TCF24: variants seen among roughly 807,000 people sequenced by gnomAD.
TCF24 encodes transcription factor 24.
In TCF24, 5 loss-of-function variants were observed where a neutral mutation model predicts 9.3. The observed-to-expected ratio is 0.54, with a 90% CI of 0.28 to 1.13. TCF24 has a LOEUF of 1.13. Ranked by LOEUF, TCF24 falls within the 50% of genes most tolerant of loss-of-function variation. The pLI is 0.09. For missense variants in TCF24, 220 were observed against 236.1 expected (o/e 0.93, Z 0.45); for synonymous variants, 110 against 115.8 (o/e 0.95, Z 0.32).
rs1249416151 is a variant in TCF24, at chr8:66,961,365, C to T, written c.390+11G>A. ...TCGGCCCCAGCCCCGCGGTGCGCCC[C>T]GCCCGCTTACCTTGACCGGGTGCAG... On this transcript the variant is annotated intron_variant, in intron 3 of 3. Coordinates refer to ENST00000563496, the MANE Select transcript of TCF24 (RefSeq NM_001193502.2). 4 of 1,460,654 alleles carry T rather than the reference C, an allele frequency of 2.7e-6. No homozygotes were observed. Among genetic ancestry groups the T allele is most frequent in the Admixed American group, 2.4e-5 (1 of 41,556 alleles). The allele number at this position is 1,460,654 out of a possible 1,614,324, so 90.5% of individuals were successfully genotyped here.
rs1203473062 is a variant in TCF24 at position 66,947,992 on chromosome 8, A to G, written c.*59T>C. The G allele has an allele frequency of 5.0e-6, 6 of 1,204,994 alleles. No homozygotes were observed. The highest frequency in any genetic ancestry group is 6.8e-6 in the Non-Finnish European group (6 of 885,290). The allele number at this position is 1,204,994 out of a possible 1,614,324, so 74.6% of individuals were successfully genotyped here. Reference sequence around the variant, plus strand: ...TGTCTCATATAATAAATATAGAATTATGTCATAGTATTTAAAAACAATAGC... The same window carrying G: ...TGTCTCATATAATAAATATAGAATTGTGTCATAGTATTTAAAAACAATAGC... On this transcript the variant is annotated 3_prime_UTR_variant, in exon 4 of 4. Transcript: ENST00000563496.
chr8:66,948,088 G>GT lies in TCF24; in HGVS notation c.466dup (p.Thr156AsnfsTer4), dbSNP rs1563404351. The GT allele has an allele frequency of 2.6e-6, 4 of 1,534,984 alleles. No individual in the cohort carries two copies. The highest frequency in any genetic ancestry group is 3.5e-6 in the Non-Finnish European group (4 of 1,146,572). The stretch of plus-strand genomic sequence containing the variant: ...GTCTGTTGGAGTGTTGTCATGATTT[G>GT]TTTTTTCTCCAGAAACAGAATGCTT... On this transcript the variant is annotated frameshift_variant, in exon 4 of 4. Coordinates refer to ENST00000563496, the MANE Select transcript of TCF24 (RefSeq NM_001193502.2). LOFTEE classifies it high-confidence loss of function.
chr8:66,957,065 A>G (rs1434866501), intron 3 of TCF24, among the ~76,000 whole-genome samples: 1 of 140,654 alleles, frequency 7.1e-6, no homozygotes, highest in Non-Finnish European at 1.5e-5. Context: ...GTAAGTCCAG[A>G]TCGCACCACT....
rs569833321 is a variant in TCF24 at position 66,960,744 on chromosome 8, T to C, written c.390+632A>G. On this transcript the variant is annotated intron_variant, in intron 3 of 3. Transcript: ENST00000563496. ...TAGTAATCAATTCACTCAACATACATGCCAATCTATTACGAACGTATTTAA... is the reference window on the plus strand; with the variant it reads ...TAGTAATCAATTCACTCAACATACACGCCAATCTATTACGAACGTATTTAA... 9.2e-5 allele frequency among the ~76,000 whole-genome samples: 14 copies of C among 152,350 alleles called. No individual in the cohort carries two copies. The South Asian group carries it at 2.7e-3, about 29-fold the overall frequency.
chr8:66,953,743 T>A (rs1219692420), intron 3 of TCF24, among the ~76,000 whole-genome samples: 24 of 149,186 alleles, frequency 1.6e-4, no homozygotes, highest in Non-Finnish European at 2.0e-4. Flanking sequence ...CAATCAGACA[T>A]AGATTTGGTC....
Position 66,947,362 on chromosome 8 carries a change from T to C in TCF24, c.*689A>G, listed in dbSNP as rs936339595. 7 of 152,286 alleles carry C rather than the reference T, an allele frequency of 4.6e-5. No homozygotes were observed. The highest frequency in any genetic ancestry group is 1.9e-4 in the East Asian group (1 of 5,184). 9.4% of individuals were successfully genotyped at this position (152,286 alleles called of 1,614,324 possible). On this transcript the variant is annotated 3_prime_UTR_variant, in exon 4 of 4. Transcript: ENST00000563496. ...CCAGGTGTGGTGACATGCACCTACA[T>C]TGTGAACTCTGCTGTCCGCTGACAC...
At chr8:66,958,244 T>G (rs1159638984) in intron 3 of TCF24, among the ~76,000 whole-genome samples, 1 of 152,232 alleles carries the variant, frequency 6.6e-6, no homozygotes, top group African/African-American at 2.4e-5. Context: ...TTACATTTTC[T>G]TTTCAACAGT....
intron 3 of TCF24, among the ~76,000 whole-genome samples, chr8:66,955,355 TG>T (rs1814136511): frequency 6.6e-6 from 1 of 152,012 alleles, no homozygotes; most frequent in South Asian, 2.1e-4. Flanking sequence ...ATACTACTTT[TG>T]TTTTTTTTTA....
chr8:66,948,137 T>A lies in TCF24; in HGVS notation c.418A>T (p.Ile140Phe), dbSNP rs774587491. 6.5e-7 allele frequency: 1 copy of A among 1,533,440 alleles called. No homozygotes were observed. The highest frequency in any genetic ancestry group is 1.2e-5 in the South Asian group (1 of 83,230). The allele number at this position is 1,533,440 out of a possible 1,614,324, so 95.0% of individuals were successfully genotyped here. Residue 140 changes from isoleucine to phenylalanine, a missense_variant, in exon 4 of 4, where the codon ATC becomes TTC. Ile to Phe is a conservative substitution (Grantham distance 21, BLOSUM62 0). Coordinates refer to ENST00000563496, the MANE Select transcript of TCF24 (RefSeq NM_001193502.2). ...TTCAGAAACTGACCAGTAGCACCGATGTACAATCTTGATCGCATGGGCCAT... is the reference window on the plus strand; with the variant it reads ...TTCAGAAACTGACCAGTAGCACCGAAGTACAATCTTGATCGCATGGGCCAT... Reference protein sequence around the residue: ...KKWPMRSRLYIGATGQFLKHS... With the variant: ...KKWPMRSRLYFGATGQFLKHS...
At chr8:66,948,217 T>C in intron 3 of TCF24, 53 bp from the exon 4 acceptor site, 4 of 1,297,620 alleles carry the variant, frequency 3.1e-6, no homozygotes, top group Non-Finnish European at 4.2e-6. Context: ...ATGACATATA[T>C]TAACATGGTC....
chr8:66,950,841 C>T (rs1376176633), intron 3 of TCF24, among the ~76,000 whole-genome samples: 1 of 150,092 alleles, frequency 6.7e-6, no homozygotes, highest in Non-Finnish European at 1.5e-5. Context: ...GTATTTTATT[C>T]TCTTTGAAGC....
At chr8:66,948,662 T>TCTAC (rs929603750) in intron 3 of TCF24, among the ~76,000 whole-genome samples, 5 of 124,008 alleles carry the variant, frequency 4.0e-5, no homozygotes, top group African/African-American at 1.5e-4. Flanking sequence ...CAACTATCTA[T>TCTAC]CTATCTATCT....
rs1267275241 is a variant in TCF24 at position 66,952,435 on chromosome 8, TTTGA to T, written c.391-4275_391-4272del. ...TGAGATTCTTAATCCTGAGTTCTAG[TTTGA>T]TTGCACTGTGGTCTGAGAGATAGTT... On this transcript the variant is annotated intron_variant, in intron 3 of 3. Transcript: ENST00000563496. 3.4e-4 allele frequency among the ~76,000 whole-genome samples: 48 copies of T among 139,388 alleles called. No homozygotes were observed. In the East Asian group the frequency reaches 8.2e-3, roughly 24 times the overall value. The allele number at this position is 139,388 out of a possible 152,430, so 91.4% of individuals were successfully genotyped here. A position where few individuals can be genotyped will look rare whatever the true frequency, so the allele number is the denominator to read the frequency against.
intron 3 of TCF24, among the ~76,000 whole-genome samples, chr8:66,952,538 G>T (rs867737341): frequency 0.027 from 4,024 of 151,078 alleles, 81 homozygotes; most frequent in Middle Eastern, 0.058. Context: ...TTTGGAATAG[G>T]TGTGGTGTGG....
At chr8:66,950,011 T>C (rs1487376791) in intron 3 of TCF24, among the ~76,000 whole-genome samples, 1 of 137,576 alleles carries the variant, frequency 7.3e-6, no homozygotes, top group Non-Finnish European at 1.5e-5. Context: ...TATTAGCCCT[T>C]TGTCAGATGA....
chr8:66,951,029 G>C (rs1329327768), intron 3 of TCF24, among the ~76,000 whole-genome samples: 1 of 150,642 alleles, frequency 6.6e-6, no homozygotes, highest in Non-Finnish European at 1.5e-5. Flanking sequence ...CAATCATGTC[G>C]TCTGCAAACA....
chr8:66,947,834 A>G lies in TCF24; in HGVS notation c.*217T>C, dbSNP rs1813986876. ...TTTCTAATAATTTCTCTTGCACTAT[A>G]TAGTAGTGACTCTCACACTGAACAG... On this transcript the variant is annotated 3_prime_UTR_variant, in exon 4 of 4. Coordinates refer to ENST00000563496, the MANE Select transcript of TCF24 (RefSeq NM_001193502.2). The G allele has an allele frequency of 2.7e-5, 11 of 403,786 alleles. No homozygotes were observed. In the South Asian group the frequency reaches 6.2e-4, roughly 23 times the overall value. 25.0% of individuals were successfully genotyped at this position (403,786 alleles called of 1,614,324 possible).
intron 3 of TCF24, among the ~76,000 whole-genome samples, chr8:66,956,836 T>C (rs916587465): frequency 4.6e-5 from 7 of 152,038 alleles, no homozygotes; most frequent in South Asian, 2.1e-4. Flanking sequence ...TCTAAGGTGA[T>C]GGGATTTAAA....
chr8:66,959,468 CA>C (rs1405722192), intron 3 of TCF24, among the ~76,000 whole-genome samples: 1 of 152,160 alleles, frequency 6.6e-6, no homozygotes, highest in Non-Finnish European at 1.5e-5. Flanking sequence ...AATGTGTTAA[CA>C]GTTAACAGGC....
Sources: allele counts gnomAD v4.1 joint callset (sites outside exome capture counted in the v4.1 genomes callset), GRCh38; gene constraint gnomAD v4.1.1; transcripts MANE v1.5; gene names NCBI Gene and HGNC (gene_info 2026-07-23, HGNC 2026-07-21).